Variants in STK32A observed in about 807,000 individuals in gnomAD.
The protein encoded by STK32A is serine/threonine-protein kinase 32A.
Under a neutral mutation model 53.2 loss-of-function variants are expected in STK32A, and 41 were observed. That is an observed-to-expected ratio of 0.77 (90% CI 0.60 to 1.00). The LOEUF is 1.00. Among genes scored for constraint, STK32A ranks in the 50% least tolerant of loss-of-function variants. The pLI is 0.00. For missense variants in STK32A, 458 were observed against 485.8 expected, an observed-to-expected ratio of 0.94 and a Z score of 0.54; for synonymous variants, 166 against 162.8, an observed-to-expected ratio of 1.02 and a Z score of -0.15.
chr5:147,247,652 C>A (rs1428171648), intron 2 of STK32A, among the ~76,000 whole-genome samples: 1 of 152,188 alleles, frequency 6.6e-6, no homozygotes, highest in Non-Finnish European at 1.5e-5. Flanking sequence ...CAGTCTCTGT[C>A]ACAACTACTC....
At chr5:147,262,592 AC>A (rs757113163) in intron 2 of STK32A, among the ~76,000 whole-genome samples, 36,789 of 150,766 alleles carry the variant, frequency 0.24, 4,791 homozygotes, top group Admixed American at 0.34. Flanking sequence ...TCAGGAAAAA[AC>A]AAAACAAAAC....
At position 147,382,249 on chromosome 5, in the gene STK32A, G is replaced by T. The variant is rs563193313; in HGVS notation, c.1033-1192G>T. 2.0e-5 allele frequency among the ~76,000 whole-genome samples: 3 copies of T among 152,156 alleles called. No homozygotes were observed. In the East Asian group the frequency reaches 5.8e-4, roughly 29 times the overall value. On this transcript the variant is annotated intron_variant, in intron 11 of 12. Coordinates refer to ENST00000397936, the MANE Select transcript of STK32A (RefSeq NM_001112724.2). ...AGCAAATTTTTAAATTTTAGTTATTGCACTTTTCAGCTCAAGAATTCCTTT... is the reference window on the plus strand; with the variant it reads ...AGCAAATTTTTAAATTTTAGTTATTTCACTTTTCAGCTCAAGAATTCCTTT...
At chr5:147,377,688 A>T (rs1473327718) in intron 11 of STK32A, among the ~76,000 whole-genome samples, 2 of 152,138 alleles carry the variant, frequency 1.3e-5, no homozygotes, top group African/African-American at 2.4e-5. Flanking sequence ...CTGTTACTTT[A>T]GCCTGTGCTC....
chr5:147,392,874 TG>T, the STK32A span: 3 of 152,234 alleles, frequency 2.0e-5, no homozygotes, highest in African/African-American at 7.2e-5. Flanking sequence ...AGACTGACTT[TG>T]GCTTTCCCAG....
intron 1 of STK32A, among the ~76,000 whole-genome samples, chr5:147,237,972 C>T (rs138412880): frequency 2.7e-4 from 41 of 152,236 alleles, no homozygotes; most frequent in Admixed American, 1.1e-3. Flanking sequence ...TTTAAAAATA[C>T]GCAATAAGGA....
chr5:147,370,694 T>C lies in STK32A; in HGVS notation c.701T>C (p.Ile234Thr), dbSNP rs377192467. The change falls in exon 9 of 13, where the codon ATT becomes ACT. Residue 234 changes from isoleucine to threonine, a missense_variant. Ile to Thr is a moderately conservative substitution (Grantham distance 89). Transcript: ENST00000397936. ...CGCTCCAGTACTTCCAGCAAGGAAA[T>C]TGTACACACGTTTGAGACGACTGTT... ...HIRSSTSSKE[I>T]VHTFETTVVT... is the part of the protein sequence containing the mutation. 2.6e-5 allele frequency: 42 copies of C among 1,612,406 alleles called. No individual in the cohort carries two copies. Among genetic ancestry groups the C allele is most frequent in the Non-Finnish European group, 3.5e-5 (41 of 1,178,806 alleles).
chr5:147,323,096 C>T (rs1302105440), intron 4 of STK32A, among the ~76,000 whole-genome samples: 1 of 152,170 alleles, frequency 6.6e-6, no homozygotes, highest in Admixed American at 6.5e-5. Flanking sequence ...ACCTGGAGAA[C>T]GTTTTGGCAC....
chr5:147,400,877 G>A, the STK32A span: 3 of 1,597,676 alleles, frequency 1.9e-6, no homozygotes, highest in South Asian at 3.4e-5. Context: ...GAGATGGCTG[G>A]AGGCACACTG....
chr5:147,399,841 G>A, the STK32A span, among the ~76,000 whole-genome samples: 1 of 152,158 alleles, frequency 6.6e-6, no homozygotes, highest in East Asian at 1.9e-4. Context: ...CATACGTACT[G>A]CTCTGCAGTA....
chr5:147,276,132 T>A lies in STK32A; in HGVS notation c.53-1992T>A, dbSNP rs73794396. The stretch of plus-strand genomic sequence containing the variant: ...GTGGTAAATAATACACAACTCAGAT[T>A]CATGTAATGGGTGTAAGAAAATCAT... On this transcript the variant is annotated intron_variant, in intron 2 of 12. Transcript: ENST00000397936. Among the ~76,000 whole-genome samples, 1,319 of 152,298 alleles carry A rather than the reference T, an allele frequency of 8.7e-3. 24 individuals carry two copies. The highest frequency in any genetic ancestry group is 0.03 in the African/African-American group (1,258 of 41,556).
intron 4 of STK32A, among the ~76,000 whole-genome samples, chr5:147,323,097 G>A (rs1034752185): frequency 6.6e-6 from 1 of 152,078 alleles, no homozygotes; most frequent in Non-Finnish European, 1.5e-5. Flanking sequence ...CCTGGAGAAC[G>A]TTTTGGCACC....
Position 147,361,524 on chromosome 5 carries a change from G to T in STK32A, c.570G>T (p.Glu190Asp). The change falls in exon 8 of 13, where the codon GAG becomes GAT. Residue 190 changes from glutamate to aspartate, a missense_variant. Coordinates refer to ENST00000397936, the MANE Select transcript of STK32A (RefSeq NM_001112724.2). ...MAGTKPYMAP[E>D]MFSSRKGAGY... ...ATTTTTCGTGTTTTTCAGCACCTGA[G>T]ATGTTCAGCTCCAGAAAAGGAGCAG... 1 of 1,611,944 alleles carries T rather than the reference G, an allele frequency of 6.2e-7. No individual in the cohort carries two copies. The highest frequency in any genetic ancestry group is 2.2e-5 in the East Asian group (1 of 44,854).
chr5:147,279,263 A>G lies in STK32A; in HGVS notation c.125A>G (p.Lys42Arg). Residue 42 changes from lysine to arginine, a missense_variant, in exon 4 of 13, where the codon AAG becomes AGG. Lys to Arg is a conservative substitution (Grantham distance 26, BLOSUM62 2). Coordinates refer to ENST00000397936, the MANE Select transcript of STK32A (RefSeq NM_001112724.2). ...CACCATTAGGTCTGCATTGTACAGAAGAATGATACCAAGAAGATGTACGCA... is the reference window on the plus strand; with the variant it reads ...CACCATTAGGTCTGCATTGTACAGAGGAATGATACCAAGAAGATGTACGCA... The part of the protein sequence containing the change: ...GSFGKVCIVQ[K>R]NDTKKMYAMK... 1 of 1,613,802 alleles carries G rather than the reference A, an allele frequency of 6.2e-7. No homozygotes were observed. The highest frequency in any genetic ancestry group is 8.5e-7 in the Non-Finnish European group (1 of 1,179,800).
intron 10 of STK32A, among the ~76,000 whole-genome samples, chr5:147,374,375 G>A (rs1383198772): frequency 1.3e-5 from 2 of 152,062 alleles, no homozygotes; most frequent in African/African-American, 4.8e-5. Flanking sequence ...CACAGCAGGA[G>A]GCATGCTCCA....
intron 5 of STK32A, among the ~76,000 whole-genome samples, chr5:147,336,239 GT>G (rs1168211737): frequency 6.6e-6 from 1 of 152,068 alleles, no homozygotes; most frequent in Admixed American, 6.5e-5. Flanking sequence ...GCATACACTG[GT>G]CTGGCCCTAT....
At chr5:147,389,828 G>A (rs994244356), downstream of STK32A, among the ~76,000 whole-genome samples, 2 of 152,092 alleles carry the variant, frequency 1.3e-5, no homozygotes, top group Non-Finnish European at 2.9e-5. Flanking sequence ...CTGAGATGGT[G>A]CCACTGCACT....
chr5:147,372,463 G>A (rs1192751532), intron 9 of STK32A, among the ~76,000 whole-genome samples: 2 of 151,694 alleles, frequency 1.3e-5, no homozygotes, highest in African/African-American at 4.8e-5. Flanking sequence ...TTTTTCATAA[G>A]CAAATTCTGC....
chr5:147,260,166 TCTCTCTCTCTCTC>T (rs201558886), intron 2 of STK32A, among the ~76,000 whole-genome samples: 6,571 of 53,376 alleles, frequency 0.12, 339 homozygotes, highest in East Asian at 0.28. Flanking sequence ...CCTCTCTGTC[TCTCTCTCTCTCTC>T]CTCTCTCTCT....
intron 7 of STK32A, among the ~76,000 whole-genome samples, chr5:147,355,099 A>G (rs1186489390): frequency 1.3e-5 from 2 of 152,228 alleles, no homozygotes; most frequent in Non-Finnish European, 2.9e-5. Flanking sequence ...AAGAACAAAA[A>G]GAATTCTAAA....
Sources: gnomAD v4.1 joint callset for allele counts (sites outside exome capture counted in the v4.1 genomes callset) on GRCh38, gnomAD v4.1.1 for gene constraint, MANE v1.5 for transcripts, NCBI Gene and HGNC (gene_info 2026-07-23, HGNC 2026-07-21) for gene names.